Variants in TMIGD3 observed in about 807,000 individuals in gnomAD.
TMIGD3 encodes the protein transmembrane and immunoglobulin domain containing 3, also known as AD026 protein (AD026).
A neutral mutation model predicts 28.1 loss-of-function variants in TMIGD3; 21 were observed. That is an observed-to-expected ratio of 0.75 (90% CI 0.53 to 1.08). TMIGD3 has a LOEUF of 1.08. Among genes scored for constraint, TMIGD3 ranks in the 50% least tolerant of loss-of-function variants. The pLI is 0.00. For missense variants in TMIGD3, 416 were observed against 435.6 expected, an observed-to-expected ratio of 0.96 and a Z score of 0.40; for synonymous variants, 151 against 162.1, an observed-to-expected ratio of 0.93 and a Z score of 0.52.
chr1:111,553,563 C>T (rs1657360560), intron 1 of TMIGD3, among the ~76,000 whole-genome samples: 2 of 152,204 alleles, frequency 1.3e-5, no homozygotes, highest in South Asian at 4.1e-4. Context: ...ACAAAGGTAT[C>T]TTCCTTAAAC....
rs1656667204 is a variant in TMIGD3 at position 111,537,202 on chromosome 1, T to C, written c.107+26644A>G. ...CCACCATTGGAGCAATGGCTCCCTC[T>C]TACTCCTCCCAGGGCACTCACTTCT... On this transcript the variant is annotated intron_variant, in intron 1 of 5. Coordinates refer to the TMIGD3 transcript ENST00000369717. Among the ~76,000 whole-genome samples, 7 of 152,326 alleles carry C rather than the reference T, an allele frequency of 4.6e-5. No individual in the cohort carries two copies. The South Asian group carries it at 1.4e-3, about 32-fold the overall frequency.
At chr1:111,503,657 TA>T (rs1655370376), upstream of TMIGD3, 1 of 1,132,952 alleles carries the variant, frequency 8.8e-7, no homozygotes, top group African/African-American at 1.6e-5. Flanking sequence ...CTGCTGCTCT[TA>T]GTTCCCCAAA....
intron 4 of TMIGD3, 145 bp downstream of exon 4, chr1:111,486,439 TTA>T: frequency 1.6e-6 from 1 of 624,578 alleles, no homozygotes; most frequent in Non-Finnish European, 2.8e-6. Context: ...AATACTCAGA[TTA>T]AGGATACATA....
intron 1 of TMIGD3, among the ~76,000 whole-genome samples, chr1:111,519,585 G>T (rs188626739): frequency 6.6e-6 from 1 of 152,256 alleles, no homozygotes; most frequent in East Asian, 1.9e-4. Context: ...TAATTATCAA[G>T]TTGCATACAG....
chr1:111,499,061 A>G (rs1033455376), intron 1 of TMIGD3, among the ~76,000 whole-genome samples: 3 of 150,070 alleles, frequency 2.0e-5, no homozygotes, highest in Non-Finnish European at 4.4e-5. Flanking sequence ...ACTACACTCC[A>G]GCCTAGGTGA....
chr1:111,488,583 A>G, intron 3 of TMIGD3, 94 bp downstream of exon 3: 13 of 1,159,954 alleles, frequency 1.1e-5, no homozygotes, highest in Non-Finnish European at 1.6e-5. Flanking sequence ...TGGGAGTCTG[A>G]GTTGGGGCTC....
Position 111,531,284 on chromosome 1 carries a change from G to GA in TMIGD3, c.107+32561dup, listed in dbSNP as rs529260800. Among the ~76,000 whole-genome samples, 206 of 129,886 alleles carry GA rather than the reference G, an allele frequency of 1.6e-3. 1 individual carries two copies. Among genetic ancestry groups the GA allele is most frequent in the African/African-American group, 1.3e-3 (46 of 35,372 alleles). 85.2% of individuals were successfully genotyped at this position (129,886 alleles called of 152,430 possible). ...CAGAGCAACACCTGTCTCCAGAAAAGAAAAAAAAAAAAACCCAAAACATTA... is the reference window on the plus strand; with the variant it reads ...CAGAGCAACACCTGTCTCCAGAAAAGAAAAAAAAAAAAAACCCAAAACATTA... On this transcript the variant is annotated intron_variant, in intron 1 of 5. Transcript: ENST00000369717.
At chr1:111,484,217 T>C (rs1360732436) in intron 5 of TMIGD3, among the ~76,000 whole-genome samples, 2 of 152,218 alleles carry the variant, frequency 1.3e-5, no homozygotes, top group East Asian at 1.9e-4. Flanking sequence ...ATGTGTGATG[T>C]GTGATAGTTT....
intron 1 of TMIGD3, among the ~76,000 whole-genome samples, chr1:111,534,125 T>G (rs1656558567): frequency 6.6e-6 from 1 of 152,200 alleles, no homozygotes; most frequent in Non-Finnish European, 1.5e-5. Context: ...CTATTATGCA[T>G]GCATTTTTAT....
chr1:111,528,303 T>C (rs1446636807), intron 1 of TMIGD3, among the ~76,000 whole-genome samples: 1 of 152,210 alleles, frequency 6.6e-6, no homozygotes, highest in Non-Finnish European at 1.5e-5. Context: ...CTTTGCTCAC[T>C]TGTCAAAAAT....
intron 1 of TMIGD3, among the ~76,000 whole-genome samples, chr1:111,549,309 CT>C (rs767231547): frequency 0.01 from 1,270 of 125,502 alleles, 2 homozygotes; most frequent in East Asian, 0.03. Flanking sequence ...CAGTCATGGG[CT>C]TTTTTTTTTT....
intron 1 of TMIGD3, among the ~76,000 whole-genome samples, chr1:111,540,693 A>G (rs1258316513): frequency 1.3e-5 from 2 of 152,166 alleles, no homozygotes; most frequent in Non-Finnish European, 2.9e-5. Flanking sequence ...GGATAATCAC[A>G]TCTCACAATT....
intron 1 of TMIGD3, among the ~76,000 whole-genome samples, chr1:111,522,548 G>A (rs1270396196): frequency 3.5e-5 from 5 of 142,880 alleles, no homozygotes; most frequent in African/African-American, 1.3e-4. Context: ...ACAGAGTCTC[G>A]CTCTGTCACC....
At chr1:111,554,563 A>G (rs927808160) in intron 1 of TMIGD3, among the ~76,000 whole-genome samples, 1 of 152,244 alleles carries the variant, frequency 6.6e-6, no homozygotes, top group Admixed American at 6.5e-5. Context: ...TTAGAAACCC[A>G]AACATTTATC....
At chr1:111,514,693 G>A (rs1053684761) in intron 1 of TMIGD3, among the ~76,000 whole-genome samples, 23 of 151,028 alleles carry the variant, frequency 1.5e-4, no homozygotes, top group Admixed American at 6.6e-4. Flanking sequence ...CTCCCTTAAA[G>A]TCATGGTAAA....
chr1:111,516,966 A>C (rs188918009), intron 1 of TMIGD3, among the ~76,000 whole-genome samples: 2 of 152,352 alleles, frequency 1.3e-5, no homozygotes, highest in African/African-American at 4.8e-5. Flanking sequence ...GCTTAGGGGA[A>C]GGTGACAGCA....
intron 5 of TMIGD3, chr1:111,485,479 G>C (rs972502899): frequency 1.7e-4 from 64 of 381,852 alleles, no homozygotes; most frequent in African/African-American, 1.2e-3. Flanking sequence ...TGGGAACCTG[G>C]TGTGGTTGTC....
intron 1 of TMIGD3, among the ~76,000 whole-genome samples, chr1:111,548,993 C>T (rs1454602742): frequency 1.3e-5 from 2 of 152,140 alleles, no homozygotes; most frequent in African/African-American, 4.8e-5. Context: ...AATTGAAATC[C>T]ATGCATTCTC....
intron 1 of TMIGD3, among the ~76,000 whole-genome samples, chr1:111,551,240 A>G (rs1657245971): frequency 6.6e-6 from 1 of 152,160 alleles, no homozygotes; most frequent in African/African-American, 2.4e-5. Flanking sequence ...ATTTAATGTA[A>G]TTACTGAAAA....
Sources: allele counts gnomAD v4.1 joint callset (sites outside exome capture counted in the v4.1 genomes callset), GRCh38; gene constraint gnomAD v4.1.1; transcripts MANE v1.5; gene names NCBI Gene and HGNC (gene_info 2026-07-23, HGNC 2026-07-21).